Variants in ARHGAP26 observed in about 807,000 individuals in gnomAD.
ARHGAP26 encodes Rho GTPase activating protein 26, also known as rho GTPase-activating protein 26.
In ARHGAP26, 38 loss-of-function variants were observed where a neutral mutation model predicts 104.8. The observed-to-expected ratio is 0.36, with a 90% CI of 0.28 to 0.48. The LOEUF (loss-of-function observed/expected upper bound fraction) is 0.48. Among genes scored for constraint, ARHGAP26 ranks in the 20% least tolerant of loss-of-function variants. The pLI is 0.99. For synonymous variants in ARHGAP26, 341 were observed against 340.0 expected, an observed-to-expected ratio of 1.00 and a Z score of -0.03; for missense variants, 704 against 947.9, an observed-to-expected ratio of 0.74 and a Z score of 3.38.
At chr5:142,935,811 T>A (rs1765328657) in intron 11 of ARHGAP26, among the ~76,000 whole-genome samples, 1 of 152,170 alleles carries the variant, frequency 6.6e-6, no homozygotes, top group Non-Finnish European at 1.5e-5. Flanking sequence ...CTCTCAGATG[T>A]ATGTTCCTTT....
chr5:143,000,491 A>T (rs1258942334), intron 11 of ARHGAP26, among the ~76,000 whole-genome samples: 1 of 152,264 alleles, frequency 6.6e-6, no homozygotes, highest in Non-Finnish European at 1.5e-5. Context: ...AATATTAAAA[A>T]TTTTATGCTG....
At chr5:142,826,017 C>T (rs40128) in intron 1 of ARHGAP26, among the ~76,000 whole-genome samples, 32,562 of 152,110 alleles carry the variant, frequency 0.21, 4,533 homozygotes, top group East Asian at 0.37. Flanking sequence ...ATTTTCTTAT[C>T]GATTTGCTGG....
intron 11 of ARHGAP26, among the ~76,000 whole-genome samples, chr5:143,009,819 CAGAT>C (rs1252220738): frequency 2.6e-5 from 4 of 152,152 alleles, no homozygotes; most frequent in African/African-American, 9.7e-5. Context: ...TTAGAGTACT[CAGAT>C]AGAGCTTAGC....
intron 1 of ARHGAP26, 73 bp downstream of exon 1, chr5:142,770,988 T>G: frequency 6.7e-7 from 1 of 1,490,130 alleles, no homozygotes; most frequent in Non-Finnish European, 9.0e-7. Context: ...TAGCCCGGGT[T>G]GCCCGCGCGT....
intron 14 of ARHGAP26, among the ~76,000 whole-genome samples, chr5:143,047,640 AATT>A (rs892476393): frequency 1.3e-5 from 2 of 152,114 alleles, no homozygotes; most frequent in Non-Finnish European, 2.9e-5. Flanking sequence ...TTTGCATATA[AATT>A]ATTAACATTT....
intron 5 of ARHGAP26, 85 bp from the exon 6 acceptor site, chr5:142,894,153 G>A (rs1270897558): frequency 7.5e-6 from 8 of 1,060,982 alleles, no homozygotes; most frequent in East Asian, 7.4e-5. Flanking sequence ...ATTATCTCCC[G>A]AGATTTTTTT....
chr5:142,954,022 C>G (rs1768812509), intron 11 of ARHGAP26, among the ~76,000 whole-genome samples: 1 of 152,216 alleles, frequency 6.6e-6, no homozygotes, highest in Non-Finnish European at 1.5e-5. Context: ...TTTTAAAATA[C>G]ATGATATATG....
chr5:142,894,975 G>A (rs1440539611), intron 6 of ARHGAP26, among the ~76,000 whole-genome samples: 2 of 152,188 alleles, frequency 1.3e-5, no homozygotes, highest in African/African-American at 4.8e-5. Flanking sequence ...CCTGACTTTA[G>A]TTTAGGCCAC....
At chr5:142,932,247 G>A in intron 11 of ARHGAP26, 122 bp downstream of exon 11, 2 of 859,858 alleles carry the variant, frequency 2.3e-6, no homozygotes, top group Non-Finnish European at 3.8e-6. Context: ...GTGTACCAGA[G>A]GTGGTTTTTT....
intron 20 of ARHGAP26, among the ~76,000 whole-genome samples, chr5:143,188,889 C>T: frequency 6.6e-6 from 1 of 152,148 alleles, no homozygotes; most frequent in East Asian, 1.9e-4. Context: ...CTGCAAATAG[C>T]TAGAGATGTG....
chr5:142,834,963 T>G (rs1179578792), intron 1 of ARHGAP26, among the ~76,000 whole-genome samples: 1 of 152,104 alleles, frequency 6.6e-6, no homozygotes, highest in Non-Finnish European at 1.5e-5. Flanking sequence ...AATACAGAGC[T>G]CTATAATACT....
At chr5:143,069,786 A>C (rs747764385) in intron 17 of ARHGAP26, among the ~76,000 whole-genome samples, 5 of 152,220 alleles carry the variant, frequency 3.3e-5, no homozygotes, top group Non-Finnish European at 1.5e-5. Context: ...TGGATCTTGT[A>C]AGTGCCTCAA....
intron 19 of ARHGAP26, among the ~76,000 whole-genome samples, chr5:143,138,100 T>A (rs1798099358): frequency 6.6e-6 from 1 of 152,236 alleles, no homozygotes; most frequent in South Asian, 2.1e-4. Context: ...TGCCTGCGAC[T>A]CTCTCTCTTT....
chr5:143,038,080 G>T (rs1598747309), intron 13 of ARHGAP26, among the ~76,000 whole-genome samples: 1 of 152,178 alleles, frequency 6.6e-6, no homozygotes, highest in Non-Finnish European at 1.5e-5. Context: ...CTGTTGTACC[G>T]CTGAGAAAAG....
At chr5:142,889,493 C>T (rs1020095768) in intron 5 of ARHGAP26, among the ~76,000 whole-genome samples, 2 of 152,142 alleles carry the variant, frequency 1.3e-5, no homozygotes, top group African/African-American at 4.8e-5. Context: ...TGGCACGCGC[C>T]TGTAATCCCA....
intron 3 of ARHGAP26, among the ~76,000 whole-genome samples, chr5:142,877,505 T>C (rs959313321): frequency 6.6e-6 from 1 of 152,156 alleles, no homozygotes; most frequent in Admixed American, 6.5e-5. Context: ...TACACAGTCG[T>C]AGAATCTTAG....
chr5:143,010,585 T>A (rs1778592950), intron 11 of ARHGAP26, among the ~76,000 whole-genome samples: 1 of 152,120 alleles, frequency 6.6e-6, no homozygotes, highest in Non-Finnish European at 1.5e-5. Flanking sequence ...CAAAACTCAT[T>A]CTCTTTGGCT....
chr5:143,096,015 C>T (rs1792254539), intron 17 of ARHGAP26, among the ~76,000 whole-genome samples: 1 of 152,164 alleles, frequency 6.6e-6, no homozygotes, highest in African/African-American at 2.4e-5. Flanking sequence ...CAACATTCAA[C>T]AAGTGGTAAT....
chr5:143,122,241 C>T (rs977726510), intron 18 of ARHGAP26, among the ~76,000 whole-genome samples: 9 of 152,194 alleles, frequency 5.9e-5, no homozygotes, highest in African/African-American at 1.9e-4. Context: ...TACCTGATCT[C>T]GTCTCCTGCA....
Sources: allele counts gnomAD v4.1 joint callset (sites outside exome capture counted in the v4.1 genomes callset), GRCh38; gene constraint gnomAD v4.1.1; transcripts MANE v1.5; gene names NCBI Gene and HGNC (gene_info 2026-07-23, HGNC 2026-07-21).